CSRNP3: variants seen among roughly 807,000 people sequenced by gnomAD.
CSRNP3 encodes cysteine/serine-rich nuclear protein 3.
A neutral mutation model predicts 48.0 loss-of-function variants in CSRNP3; 12 were observed. The observed-to-expected ratio is 0.25, with a 90% confidence interval of 0.16 to 0.41. The LOEUF (loss-of-function observed/expected upper bound fraction) is 0.41, where lower values mean the gene tolerates loss of function less well. Among genes scored for constraint, CSRNP3 ranks in the 10% least tolerant of loss-of-function variants. The pLI is 1.00. For missense variants in CSRNP3, 580 were observed against 724.4 expected (o/e 0.80, Z 2.29); for synonymous variants, 263 against 269.7 (o/e 0.98, Z 0.24).
At chr2:165,655,095 G>A (rs1450460259) in intron 4 of CSRNP3, among the ~76,000 whole-genome samples, 1 of 152,184 alleles carries the variant, frequency 6.6e-6, no homozygotes, top group Non-Finnish European at 1.5e-5. Flanking sequence ...AGACAAAGGA[G>A]CTTGAACCTC....
chr2:165,484,302 A>G (rs1684085157), intron 1 of CSRNP3, among the ~76,000 whole-genome samples: 1 of 152,126 alleles, frequency 6.6e-6, no homozygotes, highest in Non-Finnish European at 1.5e-5. Context: ...TGTGTTGGCC[A>G]GGCTGGTCTC....
chr2:165,486,367 GA>G (rs1324442297), intron 1 of CSRNP3, among the ~76,000 whole-genome samples: 3 of 151,244 alleles, frequency 2.0e-5, no homozygotes, highest in African/African-American at 7.3e-5. Context: ...GAGGCTGGGG[GA>G]GGGGCGCCCG....
chr2:165,493,890 C>T (rs1022880736), intron 1 of CSRNP3, among the ~76,000 whole-genome samples: 2 of 152,080 alleles, frequency 1.3e-5, no homozygotes, highest in African/African-American at 2.4e-5. Context: ...ACTTACTTAT[C>T]GAGGTTACCT....
chr2:165,674,143 G>A (rs1687381019), intron 5 of CSRNP3, among the ~76,000 whole-genome samples: 1 of 152,176 alleles, frequency 6.6e-6, no homozygotes, highest in Admixed American at 6.5e-5. Flanking sequence ...AGAACGTGGA[G>A]ATTAAGTAGG....
intron 4 of CSRNP3, among the ~76,000 whole-genome samples, chr2:165,632,285 G>A (rs529536677): frequency 6.8e-4 from 103 of 152,290 alleles, no homozygotes; most frequent in African/African-American, 2.4e-3. Flanking sequence ...ACTTTGGGAG[G>A]CTGAGGCAGG....
At chr2:165,638,241 C>T (rs1389572295) in intron 4 of CSRNP3, among the ~76,000 whole-genome samples, 4 of 152,138 alleles carry the variant, frequency 2.6e-5, no homozygotes, top group Non-Finnish European at 4.4e-5. Context: ...GCAGGTGGAT[C>T]GCTGGAGATC....
At chr2:165,613,138 A>G (rs1686168594) in intron 4 of CSRNP3, among the ~76,000 whole-genome samples, 1 of 151,838 alleles carries the variant, frequency 6.6e-6, no homozygotes, top group South Asian at 2.1e-4. Context: ...ATGATGTCTG[A>G]TTGTGGTTTT....
chr2:165,473,602 G>A (rs991612789), intron 1 of CSRNP3, among the ~76,000 whole-genome samples: 2 of 151,892 alleles, frequency 1.3e-5, no homozygotes, highest in Admixed American at 6.6e-5. Context: ...TTTAATACAG[G>A]GCTTATACAG....
chr2:165,632,146 A>G (rs1434344648), intron 4 of CSRNP3, among the ~76,000 whole-genome samples: 2 of 152,230 alleles, frequency 1.3e-5, no homozygotes, highest in East Asian at 1.9e-4. Context: ...AGAATATAGC[A>G]TAGGTATTAA....
chr2:165,502,867 A>G (rs1240892097), intron 2 of CSRNP3, among the ~76,000 whole-genome samples: 5 of 151,994 alleles, frequency 3.3e-5, no homozygotes, highest in Admixed American at 2.6e-4. Flanking sequence ...ACATGTACCA[A>G]TGTTTGCACT....
At chr2:165,565,197 C>A (rs1288104737) in intron 3 of CSRNP3, among the ~76,000 whole-genome samples, 1 of 151,998 alleles carries the variant, frequency 6.6e-6, no homozygotes, top group Non-Finnish European at 1.5e-5. Flanking sequence ...CCATAATATT[C>A]CAATAAAATG....
chr2:165,615,888 GTTTTTTTTTTTTTT>G (rs957235965), intron 4 of CSRNP3, among the ~76,000 whole-genome samples: 3 of 59,272 alleles, frequency 5.1e-5, no homozygotes, highest in African/African-American at 1.8e-4. Context: ...TGTTTGTGGG[GTTTTTTTTTTTTTT>G]TTTTTTTTTT....
At chr2:165,601,478 A>G (rs1012787821) in intron 4 of CSRNP3, among the ~76,000 whole-genome samples, 1 of 152,116 alleles carries the variant, frequency 6.6e-6, no homozygotes, top group African/African-American at 2.4e-5. Flanking sequence ...TAGAATTAAG[A>G]TTTTTTTTAA....
chr2:165,617,547 A>G (rs1042907607), intron 4 of CSRNP3, among the ~76,000 whole-genome samples: 25 of 152,282 alleles, frequency 1.6e-4, no homozygotes, highest in Admixed American at 1.6e-3. Context: ...TAGGTGGCAC[A>G]TGTGTGGACA....
intron 5 of CSRNP3, among the ~76,000 whole-genome samples, chr2:165,664,087 A>G (rs1404394424): frequency 6.6e-6 from 1 of 152,194 alleles, no homozygotes; most frequent in Non-Finnish European, 1.5e-5. Context: ...CTCATAAGCT[A>G]ACAAAACAAC....
chr2:165,615,887 GGTTTT>G (rs377351430), intron 4 of CSRNP3, among the ~76,000 whole-genome samples: 41,980 of 126,112 alleles, frequency 0.33, 7,253 homozygotes, highest in Admixed American at 0.46. Context: ...ATGTTTGTGG[GGTTTT>G]TTTTTTTTTT....
chr2:165,602,799 A>C (rs769142448), intron 4 of CSRNP3, among the ~76,000 whole-genome samples: 9 of 152,152 alleles, frequency 5.9e-5, no homozygotes, highest in Non-Finnish European at 1.3e-4. Flanking sequence ...TTCATATCAA[A>C]TATTTCTTTC....
At chr2:165,486,177 G>A (rs944014211) in intron 1 of CSRNP3, among the ~76,000 whole-genome samples, 5 of 152,182 alleles carry the variant, frequency 3.3e-5, no homozygotes, top group Non-Finnish European at 5.9e-5. Flanking sequence ...TCAAATAAAT[G>A]GGTGACGGAC....
chr2:165,565,500 G>A (rs16850914), intron 3 of CSRNP3, among the ~76,000 whole-genome samples: 31,098 of 151,960 alleles, frequency 0.2, 3,378 homozygotes, highest in South Asian at 0.28. Flanking sequence ...ATACCCCAGT[G>A]TAAGAAGGCT....
Sources: allele counts gnomAD v4.1 joint callset (sites outside exome capture counted in the v4.1 genomes callset), GRCh38; gene constraint gnomAD v4.1.1; transcripts MANE v1.5; gene names NCBI Gene and HGNC (gene_info 2026-07-23, HGNC 2026-07-21).